The following DOCK10 variants were observed in gnomAD, a reference collection of about 807,000 sequenced individuals.
DOCK10 encodes the protein dedicator of cytokinesis 10, also known as dedicator of cytokinesis protein 10.
In DOCK10, 145 loss-of-function variants were observed where a neutral mutation model predicts 280.1. That is an observed-to-expected ratio of 0.52 (90% CI 0.45 to 0.59). DOCK10 has a LOEUF of 0.59. Ranked by LOEUF, DOCK10 falls within the 20% of genes least tolerant of loss-of-function variation. The probability of loss-of-function intolerance (pLI) is 0.00; values close to 1 mark genes in which losing one functional copy is unlikely to be tolerated. For missense variants in DOCK10, 2,368 were observed against 2,651.7 expected (o/e 0.89, Z 2.35); for synonymous variants, 915 against 942.2 (o/e 0.97, Z 0.53).
chr2:224,832,786 C>T (rs1174640752), intron 26 of DOCK10, among the ~76,000 whole-genome samples: 4 of 152,296 alleles, frequency 2.6e-5, no homozygotes, highest in South Asian at 4.1e-4. Flanking sequence ...CCCTCTCCAT[C>T]CCTTAGCACT....
intron 4 of DOCK10, among the ~76,000 whole-genome samples, chr2:224,892,739 C>T (rs1699772345): frequency 6.6e-6 from 1 of 152,210 alleles, no homozygotes; most frequent in Admixed American, 6.5e-5. Context: ...CTGTCCAATG[C>T]CCTTGGGCAG....
intron 1 of DOCK10, among the ~76,000 whole-genome samples, chr2:224,971,505 G>A (rs958905711): frequency 1.3e-5 from 2 of 152,156 alleles, no homozygotes; most frequent in Non-Finnish European, 2.9e-5. Flanking sequence ...GGGCCACACC[G>A]GATGGGTGAC....
chr2:224,813,964 C>G (rs570191287), intron 31 of DOCK10, among the ~76,000 whole-genome samples: 1 of 152,120 alleles, frequency 6.6e-6, no homozygotes, highest in Non-Finnish European at 1.5e-5. Context: ...ATTGATCAAA[C>G]CAGGCTGTGG....
intron 1 of DOCK10, among the ~76,000 whole-genome samples, chr2:225,030,301 A>G (rs1435378141): frequency 6.6e-6 from 1 of 152,176 alleles, no homozygotes; most frequent in African/African-American, 2.4e-5. Flanking sequence ...ACCTCAACGA[A>G]AGGAGAATTT....
chr2:224,921,953 A>G (rs2125981180), intron 2 of DOCK10, among the ~76,000 whole-genome samples: 1 of 151,998 alleles, frequency 6.6e-6, no homozygotes, highest in African/African-American at 2.4e-5. Flanking sequence ...TAAAAATAAA[A>G]TAAAATAAAA....
chr2:224,948,585 G>T (rs1703557462), intron 1 of DOCK10, among the ~76,000 whole-genome samples: 1 of 152,168 alleles, frequency 6.6e-6, no homozygotes, highest in Admixed American at 6.5e-5. Flanking sequence ...TGGATCACCT[G>T]ATTTCCTGGG....
chr2:224,923,551 A>C (rs1701886209), intron 2 of DOCK10, among the ~76,000 whole-genome samples: 1 of 152,188 alleles, frequency 6.6e-6, no homozygotes, highest in Non-Finnish European at 1.5e-5. Flanking sequence ...TTTACCATCC[A>C]AGAAAGCCCA....
At chr2:225,006,293 A>G (rs1375765671) in intron 1 of DOCK10, among the ~76,000 whole-genome samples, 1 of 152,196 alleles carries the variant, frequency 6.6e-6, no homozygotes, top group Non-Finnish European at 1.5e-5. Flanking sequence ...AAGCTTACAC[A>G]TTTACTTATA....
At chr2:224,984,339 A>C (rs1442260673) in intron 1 of DOCK10, among the ~76,000 whole-genome samples, 1 of 152,196 alleles carries the variant, frequency 6.6e-6, no homozygotes, top group Non-Finnish European at 1.5e-5. Context: ...CTCTCTCTAA[A>C]TCTGGCTGAC....
intron 1 of DOCK10, chr2:224,982,617 A>G: frequency 1.5e-6 from 1 of 664,766 alleles, no homozygotes; most frequent in Non-Finnish European, 1.9e-6. Context: ...TTCTCAATTC[A>G]CATCGAGAGC....
chr2:224,766,945 G>A (rs531013648), intron 55 of DOCK10, among the ~76,000 whole-genome samples: 12 of 151,994 alleles, frequency 7.9e-5, no homozygotes, highest in African/African-American at 1.2e-4. Flanking sequence ...GTCTTGTCTC[G>A]TTCCTTATAC....
At chr2:224,833,108 G>A (rs1695341783) in intron 26 of DOCK10, among the ~76,000 whole-genome samples, 1 of 152,154 alleles carries the variant, frequency 6.6e-6, no homozygotes, top group Non-Finnish European at 1.5e-5. Context: ...CCCTCAAGTG[G>A]TTGTGGTCTC....
intron 1 of DOCK10, among the ~76,000 whole-genome samples, chr2:224,961,396 T>TTTTCTTTCTTTCTTTCTC (rs1252637902): frequency 8.8e-6 from 1 of 113,010 alleles, no homozygotes; most frequent in Admixed American, 9.2e-5. Flanking sequence ...CATAGCAGCA[T>TTTTCTTTCTTTCTTTCTC]TTTCTTTCTT....
At chr2:224,981,458 A>G (rs187231419) in intron 1 of DOCK10, among the ~76,000 whole-genome samples, 2 of 152,296 alleles carry the variant, frequency 1.3e-5, no homozygotes, top group East Asian at 3.9e-4. Context: ...ATGTCTCCTC[A>G]ATTTTGGAAA....
At chr2:224,910,977 T>TCTC (rs75144493) in intron 3 of DOCK10, among the ~76,000 whole-genome samples, 1 of 133,922 alleles carries the variant, frequency 7.5e-6, no homozygotes, top group Non-Finnish European at 1.5e-5. Context: ...TCTCTCTCCC[T>TCTC]TTTTTTTTTC....
rs541514571 is a variant in DOCK10, at chr2:224,948,210, A to T, written c.124-16542T>A. On this transcript the variant is annotated intron_variant, in intron 1 of 55. Transcript: ENST00000258390. ...CCTGTCTCTACTTTGTCATGCAGTG[A>T]TTTGTGCCAGACAGGGAAAAAGGGA... 2.0e-5 allele frequency among the ~76,000 whole-genome samples: 3 copies of T among 152,332 alleles called. No homozygotes were observed. The South Asian group carries it at 6.2e-4, about 32-fold the overall frequency.
intron 2 of DOCK10, among the ~76,000 whole-genome samples, chr2:224,924,631 T>G (rs1365566465): frequency 6.6e-6 from 1 of 152,230 alleles, no homozygotes; most frequent in Non-Finnish European, 1.5e-5. Flanking sequence ...TTATTCTCAT[T>G]TTGGGGCTAT....
intron 18 of DOCK10, among the ~76,000 whole-genome samples, chr2:224,851,672 C>T (rs878912195): frequency 1.3e-5 from 2 of 151,872 alleles, no homozygotes; most frequent in Non-Finnish European, 2.9e-5. Context: ...TTTGATTTGC[C>T]GAAGCTGGTA....
Position 224,865,172 on chromosome 2 carries a change from AG to A in DOCK10, c.1258-86del. The A allele has an allele frequency of 3.0e-6, 4 of 1,329,762 alleles. No homozygotes were observed. In the South Asian group the frequency reaches 5.2e-5, roughly 17 times the overall value. 82.4% of individuals were successfully genotyped at this position (1,329,762 alleles called of 1,614,324 possible). On this transcript the variant is annotated intron_variant, in intron 11 of 55. Coordinates refer to ENST00000258390, the MANE Select transcript of DOCK10 (RefSeq NM_014689.3). ...TCGTTAGTACATCATTTAACAAAGCAGTAGATAAAATACATGCAGCAGGCAA... is the reference window on the plus strand; with the variant it reads ...TCGTTAGTACATCATTTAACAAAGCATAGATAAAATACATGCAGCAGGCAA...
Sources: gnomAD v4.1 joint callset for allele counts (sites outside exome capture counted in the v4.1 genomes callset) on GRCh38, gnomAD v4.1.1 for gene constraint, MANE v1.5 for transcripts, NCBI Gene and HGNC (gene_info 2026-07-23, HGNC 2026-07-21) for gene names.